CDH13: variants seen among roughly 807,000 people sequenced by gnomAD.
CDH13 encodes the protein cadherin-13.
Under a neutral mutation model 63.8 loss-of-function variants are expected in CDH13, and 24 were observed. The ratio of observed to expected loss-of-function variants is 0.38; its 90% confidence interval spans 0.27 to 0.53. The LOEUF (loss-of-function observed/expected upper bound fraction) is 0.53, where lower values mean the gene tolerates loss of function less well. Among genes scored for constraint, CDH13 ranks in the 20% least tolerant of loss-of-function variants. The probability of loss-of-function intolerance (pLI) is 0.85; values close to 1 mark genes in which losing one functional copy is unlikely to be tolerated. For missense variants in CDH13, 1,049 were observed against 903.1 expected (o/e 1.16, Z -2.07); for synonymous variants, 503 against 355.3 (o/e 1.42, Z -4.67).
chr16:83,227,988 C>T (rs1193668086), intron 5 of CDH13, among the ~76,000 whole-genome samples: 3 of 152,102 alleles, frequency 2.0e-5, no homozygotes, highest in Non-Finnish European at 4.4e-5. Flanking sequence ...GCCCTAAGTG[C>T]TGGGAATAGA....
chr16:83,708,024 C>T (rs1053649070), intron 10 of CDH13, among the ~76,000 whole-genome samples: 1 of 152,052 alleles, frequency 6.6e-6, no homozygotes, highest in African/African-American at 2.4e-5. Flanking sequence ...GCAACTTGCC[C>T]AGGGCACCAG....
At chr16:83,008,384 A>C (rs1913765856) in intron 2 of CDH13, among the ~76,000 whole-genome samples, 1 of 152,158 alleles carries the variant, frequency 6.6e-6, no homozygotes, top group Non-Finnish European at 1.5e-5. Context: ...GGGGAATTGC[A>C]CTGTAGGCAG....
intron 8 of CDH13, among the ~76,000 whole-genome samples, chr16:83,664,637 C>G (rs1448167556): frequency 6.6e-6 from 1 of 151,868 alleles, no homozygotes; most frequent in African/African-American, 2.4e-5. Flanking sequence ...AAGAACTTTA[C>G]TGTTTACATT....
chr16:82,819,181 G>C (rs1373112684), intron 1 of CDH13, among the ~76,000 whole-genome samples: 2 of 152,156 alleles, frequency 1.3e-5, no homozygotes, highest in African/African-American at 4.8e-5. Context: ...TCTTCTGATT[G>C]CTAGGTGAGT....
chr16:83,686,448 T>G (rs1390556409), intron 10 of CDH13, among the ~76,000 whole-genome samples: 1 of 152,220 alleles, frequency 6.6e-6, no homozygotes, highest in Non-Finnish European at 1.5e-5. Flanking sequence ...CATAGTCTAT[T>G]GACTCCAAAA....
chr16:83,303,350 A>G (rs1333440758), intron 5 of CDH13, among the ~76,000 whole-genome samples: 3 of 152,302 alleles, frequency 2.0e-5, no homozygotes, highest in Non-Finnish European at 4.4e-5. Context: ...TGCTTATACA[A>G]CTTTCTTCAT....
At chr16:83,113,040 C>T (rs1210356113) in intron 3 of CDH13, among the ~76,000 whole-genome samples, 2 of 152,138 alleles carry the variant, frequency 1.3e-5, no homozygotes, top group Non-Finnish European at 2.9e-5. Context: ...GGAGCGTGAG[C>T]CAACACCAGA....
At chr16:83,120,912 T>A (rs969323531) in intron 3 of CDH13, among the ~76,000 whole-genome samples, 1 of 151,878 alleles carries the variant, frequency 6.6e-6, no homozygotes, top group East Asian at 1.9e-4. Context: ...TACAGGCAGG[T>A]GCCACCACAC....
intron 8 of CDH13, among the ~76,000 whole-genome samples, chr16:83,618,240 C>G (rs1051982189): frequency 6.6e-6 from 1 of 151,718 alleles, no homozygotes; most frequent in Non-Finnish European, 1.5e-5. Context: ...GCCTGGGCAA[C>G]ATAGTGAAAC....
At position 83,110,414 on chromosome 16, in the gene CDH13, G is replaced by A. The variant is rs74033159; in HGVS notation, c.367-14971G>A. On this transcript the variant is annotated intron_variant, in intron 3 of 13. Coordinates refer to ENST00000567109, the MANE Select transcript of CDH13 (RefSeq NM_001257.5). ...CACAACCAAGGAGGATTTAACAAGGGATTTTATGCCTTGCAATGCGGAAGA... is the reference window on the plus strand; with the variant it reads ...CACAACCAAGGAGGATTTAACAAGGAATTTTATGCCTTGCAATGCGGAAGA... Among the ~76,000 whole-genome samples, 355 of 152,324 alleles carry A rather than the reference G, an allele frequency of 2.3e-3. 2 individuals are homozygous for A. Among genetic ancestry groups the A allele is most frequent in the African/African-American group, 8.3e-3 (347 of 41,578 alleles).
At chr16:82,810,161 A>C (rs1567558057) in intron 1 of CDH13, among the ~76,000 whole-genome samples, 1 of 152,218 alleles carries the variant, frequency 6.6e-6, no homozygotes, top group Non-Finnish European at 1.5e-5. Flanking sequence ...TACTTTCTAA[A>C]TGAGATGTTA....
Position 83,088,258 on chromosome 16 carries a change from T to C in CDH13, c.367-37127T>C, listed in dbSNP as rs9922710. On this transcript the variant is annotated intron_variant, in intron 3 of 13. Coordinates refer to ENST00000567109, the MANE Select transcript of CDH13 (RefSeq NM_001257.5). ...ATTTCCTTATGCTGAGGGTGTCTTG[T>C]TGAGTTTCATGGGTTTTGTGCTTCC... Among the ~76,000 whole-genome samples the C allele has an allele frequency of 9.9e-4, 151 of 152,296 alleles. 1 individual carries two copies. The highest frequency in any genetic ancestry group is 3.3e-3 in the African/African-American group (137 of 41,556).
chr16:82,815,115 G>A (rs1048828018), intron 1 of CDH13, among the ~76,000 whole-genome samples: 16 of 151,902 alleles, frequency 1.1e-4, no homozygotes, highest in South Asian at 4.2e-4. Context: ...TGAAAACATC[G>A]TTCATGACCC....
chr16:82,947,054 G>A (rs1044740785), intron 2 of CDH13, among the ~76,000 whole-genome samples: 3 of 148,010 alleles, frequency 2.0e-5, no homozygotes, highest in African/African-American at 5.0e-5. Context: ...GTGTGATGTT[G>A]TAAGAAAGTT....
At chr16:82,833,765 C>G (rs532082180) in intron 1 of CDH13, among the ~76,000 whole-genome samples, 1 of 152,108 alleles carries the variant, frequency 6.6e-6, no homozygotes, top group Non-Finnish European at 1.5e-5. Context: ...GAAGGAAGCC[C>G]TGGCTCTGTG....
chr16:83,272,591 C>G (rs1030322325), intron 5 of CDH13, among the ~76,000 whole-genome samples: 10 of 152,128 alleles, frequency 6.6e-5, no homozygotes, highest in African/African-American at 2.4e-4. Context: ...TTTTTCCACT[C>G]CTTACTGAGC....
At chr16:83,420,732 T>C (rs964995035) in intron 6 of CDH13, among the ~76,000 whole-genome samples, 1 of 152,162 alleles carries the variant, frequency 6.6e-6, no homozygotes, top group African/African-American at 2.4e-5. Context: ...GAGAAGTCCA[T>C]AGTGGCTCAG....
At chr16:82,672,837 C>T (rs1913426076) in intron 1 of CDH13, among the ~76,000 whole-genome samples, 1 of 151,100 alleles carries the variant, frequency 6.6e-6, no homozygotes, top group Non-Finnish European at 1.5e-5. Context: ...TATTTGGAGA[C>T]AGAGCCTCAC....
chr16:83,149,336 T>G (rs905186492), intron 4 of CDH13, among the ~76,000 whole-genome samples: 2 of 152,192 alleles, frequency 1.3e-5, no homozygotes, highest in African/African-American at 4.8e-5. Context: ...AGGAAGCTTA[T>G]AATGAGAAAG....
Sources: gnomAD v4.1 joint callset for allele counts (sites outside exome capture counted in the v4.1 genomes callset) on GRCh38, gnomAD v4.1.1 for gene constraint, MANE v1.5 for transcripts, NCBI Gene and HGNC (gene_info 2026-07-23, HGNC 2026-07-21) for gene names.